Variants in CSMD2 observed in about 807,000 individuals in gnomAD.
The protein encoded by CSMD2 is CUB and Sushi multiple domains 2, also known as CUB and sushi domain-containing protein 2.
A neutral mutation model predicts 398.5 loss-of-function variants in CSMD2; 130 were observed. That is an observed-to-expected ratio of 0.33 (90% CI 0.28 to 0.38). The LOEUF is 0.38. CSMD2 is among the 10% of genes least tolerant of loss of function. CSMD2 has a pLI of 1.00. For synonymous variants in CSMD2, 1,828 were observed against 1,908.5 expected, an observed-to-expected ratio of 0.96 and a Z score of 1.10; for missense variants, 3,829 against 4,764.9, an observed-to-expected ratio of 0.80 and a Z score of 5.78.
In CSMD2 at chr1:34,043,036, G is replaced by A. The variant is rs529893403; in HGVS notation, c.405-10330C>T. Among the ~76,000 whole-genome samples the A allele has an allele frequency of 9.1e-4, 139 of 152,002 alleles. 1 individual carries two copies. Among genetic ancestry groups the A allele is most frequent in the Non-Finnish European group, 1.5e-3 (102 of 67,958 alleles). ...GATCTTCTGAACTCGTGATCTGCCC[G>A]CCTTGGCCTCCCAAAGTGCTGGGAT... On this transcript the variant is annotated intron_variant, in intron 2 of 70. Transcript: ENST00000373381.
chr1:33,745,664 C>A (rs536178690), intron 13 of CSMD2, among the ~76,000 whole-genome samples: 5 of 152,294 alleles, frequency 3.3e-5, no homozygotes, highest in Admixed American at 6.5e-5. Context: ...AAAGCCCTCC[C>A]ATGCAATTCA....
chr1:33,803,953 C>T (rs1050962336), intron 10 of CSMD2, among the ~76,000 whole-genome samples: 1 of 152,236 alleles, frequency 6.6e-6, no homozygotes, highest in African/African-American at 2.4e-5. Flanking sequence ...CACAGCCCAG[C>T]TATGTAAGTG....
intron 25 of CSMD2, among the ~76,000 whole-genome samples, chr1:33,669,989 A>G (rs1458947556): frequency 2.0e-5 from 3 of 152,206 alleles, no homozygotes; most frequent in Admixed American, 1.3e-4. Flanking sequence ...CATTGAGAAC[A>G]TGATTTTGGA....
rs1264349696 is a variant in CSMD2, at chr1:33,643,228, G to A, written c.4774+3420C>T. 1.1e-4 allele frequency among the ~76,000 whole-genome samples: 17 copies of A among 152,150 alleles called. No individual in the cohort carries two copies. The East Asian group carries it at 3.1e-3, about 28-fold the overall frequency. Reference sequence around the variant, plus strand: ...TCTATGGTTCTCTCCAGACTTACAGGGTGTGGAATGTCTAAATTCTTTGCT... The same window carrying A: ...TCTATGGTTCTCTCCAGACTTACAGAGTGTGGAATGTCTAAATTCTTTGCT... On this transcript the variant is annotated intron_variant, in intron 29 of 70. Coordinates refer to ENST00000373381, the MANE Select transcript of CSMD2 (RefSeq NM_001281956.2).
rs536740094 is a variant in CSMD2 at position 33,699,884 on chromosome 1, G to T, written c.3733+633C>A. On this transcript the variant is annotated intron_variant, in intron 23 of 70. Coordinates refer to ENST00000373381, the MANE Select transcript of CSMD2 (RefSeq NM_001281956.2). ...CTGCCCTTTACTTTCTGGCTCTATG[G>T]ATTTGCCTGTTCTGGACAGTTCATA... 7.2e-5 allele frequency among the ~76,000 whole-genome samples: 11 copies of T among 152,266 alleles called. No homozygotes were observed. The East Asian group carries it at 1.5e-3, about 21-fold the overall frequency.
chr1:33,582,721 G>A (rs566126613), intron 47 of CSMD2, among the ~76,000 whole-genome samples: 5 of 152,332 alleles, frequency 3.3e-5, no homozygotes, highest in Admixed American at 2.0e-4. Context: ...GAGGAGTGGT[G>A]TATGAAGGGT....
intron 11 of CSMD2, among the ~76,000 whole-genome samples, chr1:33,789,986 G>C (rs1036458217): frequency 2.0e-5 from 3 of 152,240 alleles, no homozygotes; most frequent in African/African-American, 4.8e-5. Context: ...TGTTAAATGA[G>C]GGGATTGTAT....
intron 44 of CSMD2, chr1:33,598,917 C>G (rs1234207825): frequency 6.6e-6 from 1 of 152,304 alleles, no homozygotes; most frequent in Non-Finnish European, 1.5e-5. Flanking sequence ...GCGATCCGCC[C>G]ACCTCGGCCT....
rs761106974 is a variant in CSMD2, at chr1:33,605,406, G to C, written c.6408C>G (p.Gly2136=). 4.0e-5 allele frequency: 65 copies of C among 1,614,102 alleles called. No homozygotes were observed. In the Admixed American group the frequency reaches 1.0e-3, roughly 26 times the overall value. The change falls in exon 42 of 71, where the codon GGC becomes GGG. Residue 2136 remains glycine (G), a synonymous_variant. Transcript: ENST00000373381. The part of the protein sequence containing the change: ...PFANGIVRGA[G]YNVGQSVTFE... ...AGGTCACTGATTGTCCCACGTTGTA[G>C]CCAGCTCCCCTCACAATGCCATTGG...
At chr1:33,645,342 TATACACACACACAC>T (rs1339124410) in intron 29 of CSMD2, among the ~76,000 whole-genome samples, 11 of 104,304 alleles carry the variant, frequency 1.1e-4, no homozygotes, top group Middle Eastern at 4.7e-3. Context: ...TATGGAGCAT[TATACACACACACAC>T]ACACACACAC....
chr1:33,816,089 T>C (rs538238183), intron 9 of CSMD2, among the ~76,000 whole-genome samples: 2 of 152,248 alleles, frequency 1.3e-5, no homozygotes, highest in South Asian at 4.2e-4. Flanking sequence ...AGGAAAAAGA[T>C]CCATAGTGTT....
At chr1:33,573,579 C>T (rs1659798146) in intron 49 of CSMD2, among the ~76,000 whole-genome samples, 2 of 149,762 alleles carry the variant, frequency 1.3e-5, no homozygotes, top group South Asian at 4.2e-4. Flanking sequence ...CCGAAATAAG[C>T]ATTATAGGAT....
chr1:33,736,796 A>T (rs1314918967), intron 15 of CSMD2, among the ~76,000 whole-genome samples: 1 of 152,192 alleles, frequency 6.6e-6, no homozygotes, highest in Non-Finnish European at 1.5e-5. Flanking sequence ...AAATGTAATA[A>T]TGGTAAGAAC....
At chr1:33,605,626 C>T (rs1212074232) in intron 41 of CSMD2, among the ~76,000 whole-genome samples, 156 bp from the exon 42 acceptor site, 1 of 152,190 alleles carries the variant, frequency 6.6e-6, no homozygotes, top group African/African-American at 2.4e-5. Context: ...CTTGTGTACG[C>T]CTCAGTTTTC....
intron 54 of CSMD2, among the ~76,000 whole-genome samples, chr1:33,558,127 C>T (rs966685306): frequency 2.0e-5 from 3 of 152,210 alleles, no homozygotes; most frequent in Non-Finnish European, 4.4e-5. Flanking sequence ...ACTCCTCCCA[C>T]CTCTTCCCAG....
At chr1:34,087,033 G>A (rs1315381269) in intron 2 of CSMD2, among the ~76,000 whole-genome samples, 1 of 152,026 alleles carries the variant, frequency 6.6e-6, no homozygotes, top group African/African-American at 2.4e-5. Context: ...CTAGAATGAG[G>A]ATTCCAAAAC....
Position 33,636,546 on chromosome 1 carries a change from G to A in CSMD2, c.4783C>T (p.Arg1595Trp), listed in dbSNP as rs1277037037. The change falls in exon 30 of 71, where the codon CGG becomes TGG. Residue 1595 changes from arginine to tryptophan, a missense_variant. Physicochemically the swap from Arg to Trp is moderately radical, Grantham distance 101. This residue lies in a region of CSMD2 where 2,001 missense variants were observed against 2,567.1 expected (regional missense o/e 0.78). Coordinates refer to ENST00000373381, the MANE Select transcript of CSMD2 (RefSeq NM_001281956.2). The surrounding 1 kb of genome is among the most constrained non-coding windows in gnomAD (Gnocchi z 4.8). The part of the protein sequence containing the change: ...GFVIDYTENP[R>W]ESCFDPGSIK... ...GAACCAGGATCAAAACATGACTCCC[G>A]CGGGTTTTCTGGGAAAAAGAAATAC... 4.3e-6 allele frequency: 7 copies of A among 1,613,790 alleles called. No individual in the cohort carries two copies. The Admixed American group carries it at 5.0e-5, about 12-fold the overall frequency.
In CSMD2 at chr1:33,519,399, C is replaced by T; in HGVS notation, c.*53+66G>A. 3 of 989,146 alleles carry T rather than the reference C, an allele frequency of 3.0e-6. No individual in the cohort carries two copies. Among genetic ancestry groups the T allele is most frequent in the Non-Finnish European group, 4.6e-6 (3 of 650,694 alleles). 61.3% of individuals were successfully genotyped at this position (989,146 alleles called of 1,614,324 possible). A position where few individuals can be genotyped will look rare whatever the true frequency, so the allele number is the denominator to read the frequency against. On this transcript the variant is annotated intron_variant, in intron 70 of 70. Transcript: ENST00000373381. The surrounding 1 kb of genome is among the most constrained non-coding windows in gnomAD (Gnocchi z 5.6). ...TGTGTGCGACTCCGTTGGGTGGAGC[C>T]CCTGGCACGCATAGGTCCCTGTCTG... is the stretch of plus-strand genomic sequence containing the variant.
chr1:33,743,234 C>A (rs1322700164), intron 14 of CSMD2, 46 bp downstream of exon 14: 13 of 1,502,028 alleles, frequency 8.7e-6, no homozygotes, highest in Non-Finnish European at 1.1e-5. Flanking sequence ...TCCTCAGAGG[C>A]AGACACTCAG....
Sources: allele counts gnomAD v4.1 joint callset (sites outside exome capture counted in the v4.1 genomes callset), GRCh38; gene constraint gnomAD v4.1.1; regional missense constraint gnomAD v4.1.1; non-coding constraint Gnocchi (gnomAD v3.1); transcripts MANE v1.5; gene names NCBI Gene and HGNC (gene_info 2026-07-23, HGNC 2026-07-21).